Variants in ZMIZ1 observed in about 807,000 individuals in gnomAD.
The protein encoded by ZMIZ1 is zinc finger MIZ-type containing 1.
In ZMIZ1, 17 loss-of-function variants were observed where a neutral mutation model predicts 113.9. The ratio of observed to expected loss-of-function variants is 0.15; its 90% CI spans 0.10 to 0.22. The LOEUF (loss-of-function observed/expected upper bound fraction) is 0.22, where lower values mean the gene tolerates loss of function less well. ZMIZ1 is among the 10% of genes least tolerant of loss of function. ZMIZ1 has a pLI of 1.00. For missense variants in ZMIZ1, 1,059 were observed against 1,477.8 expected (o/e 0.72, Z 4.65); for synonymous variants, 607 against 603.1 (o/e 1.01, Z -0.09).
intron 10 of ZMIZ1, among the ~76,000 whole-genome samples, chr10:79,291,630 G>A (rs1853501772): frequency 6.6e-6 from 1 of 152,226 alleles, no homozygotes; most frequent in East Asian, 1.9e-4. Flanking sequence ...CCTTGGCTGG[G>A]AAGAAAAGGG....
intron 16 of ZMIZ1, among the ~76,000 whole-genome samples, chr10:79,299,481 T>C (rs879691633): frequency 1.5e-4 from 23 of 152,216 alleles, no homozygotes; most frequent in Non-Finnish European, 2.8e-4. Flanking sequence ...GTGTATCCCA[T>C]CTGAGACCGT....
At chr10:79,101,626 G>T (rs1016833658) in intron 1 of ZMIZ1, among the ~76,000 whole-genome samples, 1 of 152,156 alleles carries the variant, frequency 6.6e-6, no homozygotes, top group Non-Finnish European at 1.5e-5. Flanking sequence ...GGGCCTACTT[G>T]TGCAGAGGGA....
chr10:79,266,763 T>C (rs1851632249), intron 7 of ZMIZ1, among the ~76,000 whole-genome samples: 1 of 152,130 alleles, frequency 6.6e-6, no homozygotes, highest in Non-Finnish European at 1.5e-5. Context: ...GGAGGCCCCT[T>C]TTCCTATTTC....
chr10:79,148,650 T>G (rs1845588823), intron 3 of ZMIZ1, among the ~76,000 whole-genome samples: 1 of 122,854 alleles, frequency 8.1e-6, no homozygotes, highest in Non-Finnish European at 1.7e-5. Context: ...GGCCGGGGTT[T>G]TTAATAAAGC....
intron 1 of ZMIZ1, among the ~76,000 whole-genome samples, chr10:79,107,491 A>G (rs534999459): frequency 1.2e-4 from 19 of 152,234 alleles, no homozygotes; most frequent in African/African-American, 4.3e-4. Flanking sequence ...ACAGAGGTGG[A>G]TTGATCAGAG....
intron 1 of ZMIZ1, among the ~76,000 whole-genome samples, chr10:79,108,676 G>C (rs1370699895): frequency 1.7e-4 from 26 of 152,110 alleles, no homozygotes; most frequent in Admixed American, 1.7e-3. Context: ...CACAGATCGT[G>C]GGTCAGGGCC....
At chr10:79,150,835 A>T (rs943461456) in intron 3 of ZMIZ1, among the ~76,000 whole-genome samples, 1 of 152,050 alleles carries the variant, frequency 6.6e-6, no homozygotes, top group Non-Finnish European at 1.5e-5. Context: ...AGCTCTGCTC[A>T]GGGAGCTGGG....
chr10:79,139,546 C>G (rs1419925676), intron 2 of ZMIZ1, 136 bp from the exon 3 acceptor site: 1 of 396,612 alleles, frequency 2.5e-6, no homozygotes, highest in East Asian at 3.6e-5. Context: ...TCTGATAAAT[C>G]AGGCATCCCG....
At chr10:79,292,410 G>A in intron 11 of ZMIZ1, 54 bp downstream of exon 11, 1 of 1,574,428 alleles carries the variant, frequency 6.4e-7, no homozygotes, top group Non-Finnish European at 8.7e-7. Flanking sequence ...CAGGCAGACA[G>A]CCCTGGGAAA....
intron 1 of ZMIZ1, among the ~76,000 whole-genome samples, chr10:79,077,631 T>G (rs901673512): frequency 6.6e-6 from 1 of 152,250 alleles, no homozygotes; most frequent in African/African-American, 2.4e-5. Flanking sequence ...GGGCAACTAA[T>G]GTGTTTCATG....
intron 2 of ZMIZ1, among the ~76,000 whole-genome samples, chr10:79,120,417 A>G (rs919390030): frequency 9.9e-5 from 15 of 152,204 alleles, no homozygotes; most frequent in Non-Finnish European, 1.6e-4. Flanking sequence ...AAGAAGAGGC[A>G]GTTCAGAGGT....
chr10:79,306,552 A>G (rs1854712721), intron 22 of ZMIZ1, among the ~76,000 whole-genome samples: 1 of 152,090 alleles, frequency 6.6e-6, no homozygotes, highest in Non-Finnish European at 1.5e-5. Context: ...CCCTGGTGGG[A>G]GATAGACTGC....
At chr10:79,293,014 GCCTCCACCCTCATCTA>G (rs1023877238) in intron 11 of ZMIZ1, among the ~76,000 whole-genome samples, 5 of 152,070 alleles carry the variant, frequency 3.3e-5, no homozygotes, top group African/African-American at 9.7e-5. Context: ...TCGGGCTCCT[GCCTCCACCCTCATCTA>G]CCTCCACCCT....
rs576616098 is a variant in ZMIZ1, at chr10:79,098,729, TGCTGAG to T, written c.-336-20181_-336-20176del. Among the ~76,000 whole-genome samples the T allele has an allele frequency of 3.4e-3, 521 of 152,342 alleles. 6 individuals are homozygous for T. The highest frequency in any genetic ancestry group is 0.012 in the African/African-American group (499 of 41,574). The stretch of plus-strand genomic sequence containing the variant: ...CTCAAAACCTGCGTCTCTAAGCTGC[TGCTGAG>T]GCTGCGGTTGAGAAGCGTGGGCCTT... On this transcript the variant is annotated intron_variant, in intron 1 of 24. Coordinates refer to ENST00000334512, the MANE Select transcript of ZMIZ1 (RefSeq NM_020338.4).
At chr10:79,273,470 T>C (rs533471696) in intron 7 of ZMIZ1, among the ~76,000 whole-genome samples, 1 of 152,354 alleles carries the variant, frequency 6.6e-6, no homozygotes, top group East Asian at 1.9e-4. Flanking sequence ...CAAGCAATTC[T>C]GCTCAGCCTC....
At position 79,258,256 on chromosome 10, in the gene ZMIZ1, C is replaced by T. The variant is rs573318523; in HGVS notation, c.281-18925C>T. ...CAAATTAGCCAGGGGTGGTTATGCA[C>T]GCCTGTAGTCCCAGCTACTCAGGAA... On this transcript the variant is annotated intron_variant, in intron 7 of 24. Coordinates refer to ENST00000334512, the MANE Select transcript of ZMIZ1 (RefSeq NM_020338.4). Among the ~76,000 whole-genome samples the T allele has an allele frequency of 7.2e-5, 11 of 152,210 alleles. No homozygotes were observed. The East Asian group carries it at 1.2e-3, about 16-fold the overall frequency.
chr10:79,242,562 C>T (rs1849895805), intron 7 of ZMIZ1, among the ~76,000 whole-genome samples: 1 of 150,682 alleles, frequency 6.6e-6, no homozygotes, highest in South Asian at 2.1e-4. Flanking sequence ...CTCCCCTCCC[C>T]TCCCCCCGGC....
intron 8 of ZMIZ1, among the ~76,000 whole-genome samples, chr10:79,278,293 A>G (rs772442189): frequency 7.9e-5 from 12 of 152,126 alleles, no homozygotes; most frequent in Admixed American, 2.6e-4. Context: ...CCACCACCCA[A>G]GGGCACTGCC....
chr10:79,156,032 G>T (rs1005195593), intron 3 of ZMIZ1, among the ~76,000 whole-genome samples: 1 of 152,226 alleles, frequency 6.6e-6, no homozygotes, highest in Non-Finnish European at 1.5e-5. Context: ...AAGCACAAAG[G>T]CTGGGCAAGT....
Sources: allele counts gnomAD v4.1 joint callset (sites outside exome capture counted in the v4.1 genomes callset), GRCh38; gene constraint gnomAD v4.1.1; transcripts MANE v1.5; gene names NCBI Gene and HGNC (gene_info 2026-07-23, HGNC 2026-07-21).